ZDHHC6: variants seen among roughly 807,000 people sequenced by gnomAD.
ZDHHC6 encodes the protein zDHHC palmitoyltransferase 6.
ZDHHC6 carries 32 observed loss-of-function variants against 57.8 expected under a neutral mutation model. The observed-to-expected ratio is 0.55, with a 90% CI of 0.42 to 0.74. The LOEUF is 0.74. Among genes scored for constraint, ZDHHC6 ranks in the 30% least tolerant of loss-of-function variants. The probability of loss-of-function intolerance (pLI) is 0.00; values close to 1 mark genes in which losing one functional copy is unlikely to be tolerated. For synonymous variants in ZDHHC6, 128 were observed against 158.0 expected, an observed-to-expected ratio of 0.81 and a Z score of 1.42; for missense variants, 433 against 500.7, an observed-to-expected ratio of 0.86 and a Z score of 1.29.
At chr10:112,428,134 G>A (rs1450037324), downstream of ZDHHC6, 2 of 289,216 alleles carry the variant, frequency 6.9e-6, no homozygotes, top group East Asian at 1.1e-4. Flanking sequence ...GGGGGAAGGA[G>A]TTGACAGGTG....
upstream of ZDHHC6, chr10:112,447,011 G>T (rs1480791368): frequency 1.4e-5 from 4 of 291,320 alleles, no homozygotes; most frequent in East Asian, 2.0e-4. Flanking sequence ...GCCTTGTAGC[G>T]TGTGGATCCG....
In ZDHHC6 at chr10:112,442,323, G is replaced by T; in HGVS notation, c.388C>A (p.Pro130Thr). ...TAACCACAACAGTTGTTGATCCAAGGACAGTGATGGTCCATCTTCATCACA... is the reference window on the plus strand; with the variant it reads ...TAACCACAACAGTTGTTGATCCAAGTACAGTGATGGTCCATCTTCATCACA... ...RCVMKMDHHC[P>T]WINNCCGYQN... is the part of the protein sequence containing the mutation. The change falls in exon 4 of 11, where the codon CCT (proline) becomes ACT (threonine). Residue 130 changes from proline to threonine, a missense_variant. Pro to Thr is a conservative substitution (Grantham distance 38). Transcript: ENST00000369405. 6.2e-7 allele frequency: 1 copy of T among 1,613,188 alleles called. No homozygotes were observed. The highest frequency in any genetic ancestry group is 8.5e-7 in the Non-Finnish European group (1 of 1,179,772).
chr10:112,442,552 A>T (rs1846224217), intron 3 of ZDHHC6, among the ~76,000 whole-genome samples: 1 of 152,228 alleles, frequency 6.6e-6, no homozygotes, highest in South Asian at 2.1e-4. Context: ...ACAGCACAGG[A>T]AAGGGCAGGC....
Position 112,439,669 on chromosome 10 carries a change from A to AAAAT in ZDHHC6, c.681+864_681+865insATTT, listed in dbSNP as rs757796332. 8.4e-4 allele frequency among the ~76,000 whole-genome samples: 91 copies of AAAAT among 108,604 alleles called. 7 individuals are homozygous for AAAAT. The highest frequency in any genetic ancestry group is 1.1e-3 in the Admixed American group (9 of 8,550). 71.2% of individuals were successfully genotyped at this position (108,604 alleles called of 152,430 possible). On this transcript the variant is annotated intron_variant, in intron 5 of 10. Coordinates refer to ENST00000369405, the MANE Select transcript of ZDHHC6 (RefSeq NM_022494.3). ...AAAAAAAAAAAAAAAAAAAAAAAAA[A>AAAAT]GAATGAAAAAGAATGGTTTTTGGTC... is the stretch of plus-strand genomic sequence containing the variant.
At chr10:112,441,337 T>G (rs1184928132) in intron 4 of ZDHHC6, among the ~76,000 whole-genome samples, 5 of 152,220 alleles carry the variant, frequency 3.3e-5, no homozygotes, top group Non-Finnish European at 7.3e-5. Context: ...TCTCTTGCTA[T>G]TCTACATCGC....
chr10:112,438,226 G>T (rs1161933424), intron 6 of ZDHHC6, 110 bp downstream of exon 6: 3 of 780,326 alleles, frequency 3.8e-6, no homozygotes, highest in Non-Finnish European at 5.2e-6. Flanking sequence ...TCACTTTTAG[G>T]CACTTTTCGT....
At position 112,443,773 on chromosome 10, in the gene ZDHHC6, A is replaced by G. The variant is rs116588831; in HGVS notation, c.268-167T>C. Among the ~76,000 whole-genome samples the G allele has an allele frequency of 7.6e-3, 1,151 of 152,304 alleles. 13 individuals carry two copies. Among genetic ancestry groups the G allele is most frequent in the African/African-American group, 0.026 (1,086 of 41,558 alleles). ...ATATTTTTAAATAAGTTTTCTGGTA[A>G]GAGCAGCATCACTTTCCCAATTACC... is the stretch of plus-strand genomic sequence containing the variant. On this transcript the variant is annotated intron_variant, in intron 2 of 10. Coordinates refer to ENST00000369405, the MANE Select transcript of ZDHHC6 (RefSeq NM_022494.3).
At position 112,445,107 on chromosome 10, in the gene ZDHHC6, A is replaced by C. The variant is rs1047111259; in HGVS notation, c.267+63T>G. ...TGTGTTTGGTATTATTGGTTAGTAG[A>C]TAAGGCAAAAACCAAATATACGATT... On this transcript the variant is annotated intron_variant, in intron 2 of 10. Coordinates refer to ENST00000369405, the MANE Select transcript of ZDHHC6 (RefSeq NM_022494.3). 16 of 1,540,544 alleles carry C rather than the reference A, an allele frequency of 1.0e-5. No homozygotes were observed. In the African/African-American group the frequency reaches 2.1e-4, roughly 20 times the overall value.
rs1845752015 is a variant in ZDHHC6, at chr10:112,438,376, A to C, written c.695T>G (p.Leu232Arg). The C allele has an allele frequency of 1.4e-6, 2 of 1,389,214 alleles. No individual in the cohort carries two copies. The highest frequency in any genetic ancestry group is 1.9e-6 in the Non-Finnish European group (2 of 1,041,998). The allele number at this position is 1,389,214 out of a possible 1,614,324, so 86.1% of individuals were successfully genotyped here. Reference sequence around the variant, plus strand: ...TGACTCAATAGAAGTTTTGTTTCTGAGAATTATTTTCATCTGGAAATTAAA... The same window carrying C: ...TGACTCAATAGAAGTTTTGTTTCTGCGAATTATTTTCATCTGGAAATTAAA... ...MLFFIQMKII[L>R]RNKTSIESWI... The change falls in exon 6 of 11, where the codon CTC (leucine) becomes CGC (arginine). Residue 232 changes from leucine to arginine, a missense_variant. By Grantham distance (102) the Leu-to-Arg change is moderately radical. Transcript: ENST00000369405.
downstream of ZDHHC6, chr10:112,427,369 T>TTAA: frequency 6.2e-7 from 1 of 1,606,072 alleles, no homozygotes; most frequent in Non-Finnish European, 8.5e-7. Flanking sequence ...GATAAGGTAC[T>TTAA]TAAGTACCTG....
chr10:112,438,583 C>T (rs982404878), intron 5 of ZDHHC6, among the ~76,000 whole-genome samples, 194 bp from the exon 6 acceptor site: 8 of 151,638 alleles, frequency 5.3e-5, no homozygotes, highest in African/African-American at 1.5e-4. Flanking sequence ...TACTGCACCA[C>T]GGTACCTCTC....
At chr10:112,428,280 A>C (rs1210946265), downstream of ZDHHC6, 1 of 390,842 alleles carries the variant, frequency 2.6e-6, no homozygotes, top group East Asian at 3.6e-5. Flanking sequence ...GATCTCCCCC[A>C]CCCTTGGATT....
downstream of ZDHHC6, chr10:112,426,196 AC>A: frequency 7.7e-7 from 1 of 1,300,046 alleles, no homozygotes; most frequent in Non-Finnish European, 1.1e-6. Context: ...TTATTTAACT[AC>A]TGGGGGACAT....
chr10:112,429,966 T>TGGGGG (rs141673449), downstream of ZDHHC6, among the ~76,000 whole-genome samples: 11 of 108,334 alleles, frequency 1.0e-4, no homozygotes, highest in South Asian at 2.8e-4. Context: ...AAGCAGTTGT[T>TGGGGG]GGGGGGGGGG....
intron 6 of ZDHHC6, among the ~76,000 whole-genome samples, chr10:112,436,874 A>C (rs1845584663): frequency 6.6e-6 from 1 of 152,244 alleles, no homozygotes; most frequent in African/African-American, 2.4e-5. Context: ...AATGAGAAGT[A>C]TACATAAAGC....
chr10:112,426,300 C>A (rs1229105846), downstream of ZDHHC6: 1 of 1,614,124 alleles, frequency 6.2e-7, no homozygotes, highest in Admixed American at 1.7e-5. Context: ...AGATGTACTT[C>A]CCTCATTTGC....
At position 112,443,165 on chromosome 10, in the gene ZDHHC6, C is replaced by A. The variant is rs76510102; in HGVS notation, c.359+350G>T. Among the ~76,000 whole-genome samples the A allele has an allele frequency of 5.3e-4, 81 of 152,256 alleles. 2 individuals carry two copies. The East Asian group carries it at 0.015, about 28-fold the overall frequency. On this transcript the variant is annotated intron_variant, in intron 3 of 10. Transcript: ENST00000369405. ...TCTCCCTTATAATTTAGACTCAGAA[C>A]AATTCTAAAGTTAGTCCAGATGGCA...
In ZDHHC6 at chr10:112,446,856, G is replaced by A. The variant is rs1256767717; in HGVS notation, c.-366C>T. The A allele has an allele frequency of 1.6e-5, 3 of 185,572 alleles. No individual in the cohort carries two copies. Among genetic ancestry groups the A allele is most frequent in the Non-Finnish European group, 3.5e-5 (3 of 86,330 alleles). 11.5% of individuals were successfully genotyped at this position (185,572 alleles called of 1,614,324 possible). On this transcript the variant is annotated 5_prime_UTR_variant, in exon 1 of 11. Coordinates refer to ENST00000369405, the MANE Select transcript of ZDHHC6 (RefSeq NM_022494.3). ...GAGCAAACCCTGGCAGCGAGAGGCT[G>A]GAGTGCGGGACCTGCTACAAGCCGA...
At chr10:112,442,105 T>C (rs1738040142) in intron 4 of ZDHHC6, 87 bp downstream of exon 4, 1 of 1,375,886 alleles carries the variant, frequency 7.3e-7, no homozygotes, top group Admixed American at 3.1e-5. Context: ...GAAAGCATAT[T>C]TCCAAAAGGA....
Sources: gnomAD v4.1 joint callset for allele counts (sites outside exome capture counted in the v4.1 genomes callset) on GRCh38, gnomAD v4.1.1 for gene constraint, MANE v1.5 for transcripts, NCBI Gene and HGNC (gene_info 2026-07-23, HGNC 2026-07-21) for gene names.